The following TTC23 variants were observed in gnomAD, a reference collection of about 807,000 sequenced individuals.
TTC23 encodes tetratricopeptide repeat domain 23.
A neutral mutation model predicts 55.1 loss-of-function variants in TTC23; 58 were observed. The observed-to-expected ratio is 1.05, with a 90% CI of 0.85 to 1.31. TTC23 has a LOEUF of 1.31. Among genes scored for constraint, TTC23 ranks in the 50% most tolerant of loss-of-function variants. TTC23 has a pLI of 0.00. For synonymous variants in TTC23, 203 were observed against 199.9 expected (o/e 1.02, Z -0.13); for missense variants, 516 against 534.4 (o/e 0.97, Z 0.34).
In TTC23 at chr15:99,137,843, T is replaced by C; in HGVS notation, c.*167A>G. On this transcript the variant is annotated 3_prime_UTR_variant, in exon 14 of 14. Transcript: ENST00000394132. ...CTGAAGGGCATCCACTGTCAAAATG[T>C]GGCCCACGGGAGGCTTATGGTCTCA... 9.4e-7 allele frequency: 1 copy of C among 1,060,216 alleles called. No individual in the cohort carries two copies. Among genetic ancestry groups the C allele is most frequent in the Non-Finnish European group, 1.3e-6 (1 of 748,392 alleles). The allele number at this position is 1,060,216 out of a possible 1,614,324, so 65.7% of individuals were successfully genotyped here. A position where few individuals can be genotyped will look rare whatever the true frequency, so the allele number is the denominator to read the frequency against.
At chr15:99,176,830 T>C (rs530158343) in intron 9 of TTC23, among the ~76,000 whole-genome samples, 1 of 152,338 alleles carries the variant, frequency 6.6e-6, no homozygotes, top group South Asian at 2.1e-4. Context: ...GAGATAGAGA[T>C]AAGAGTCTGA....
chr15:99,208,036 TA>T (rs1055628977), intron 8 of TTC23, among the ~76,000 whole-genome samples: 1 of 152,006 alleles, frequency 6.6e-6, no homozygotes, highest in African/African-American at 2.4e-5. Flanking sequence ...TTTACAGTAG[TA>T]AAAAATTGGA....
At chr15:99,183,497 A>ATTTTTTTTT (rs56660145) in intron 9 of TTC23, among the ~76,000 whole-genome samples, 32 of 100,742 alleles carry the variant, frequency 3.2e-4, no homozygotes, top group East Asian at 6.0e-4. Context: ...GATTTTTTGT[A>ATTTTTTTTT]TTTTTTTTTT....
At chr15:99,166,574 G>A (rs2072126592) in intron 10 of TTC23, among the ~76,000 whole-genome samples, 5 of 152,190 alleles carry the variant, frequency 3.3e-5, no homozygotes, top group Admixed American at 3.3e-4. Context: ...CTTACATGAA[G>A]GCAACGCGGC....
At chr15:99,141,611 A>G (rs190051960) in intron 12 of TTC23, among the ~76,000 whole-genome samples, 236 of 152,346 alleles carry the variant, frequency 1.5e-3, no homozygotes, top group Non-Finnish European at 3.0e-3. Context: ...TTGAGTAAAA[A>G]AAAGTGTGAG....
intron 9 of TTC23, among the ~76,000 whole-genome samples, chr15:99,181,934 A>G (rs2074158254): frequency 1.3e-5 from 2 of 152,194 alleles, no homozygotes; most frequent in Admixed American, 6.5e-5. Context: ...TAGCTCCTCC[A>G]AAGAGCTGGG....
chr15:99,204,632 G>GTTTTTTTTT (rs56890685), intron 8 of TTC23, among the ~76,000 whole-genome samples: 1,864 of 60,810 alleles, frequency 0.031, 408 homozygotes, highest in African/African-American at 0.048. Flanking sequence ...TAGATTTAAG[G>GTTTTTTTTT]TTTTTTTTTT....
chr15:99,182,370 G>C (rs1397602931), intron 9 of TTC23, among the ~76,000 whole-genome samples: 2 of 151,788 alleles, frequency 1.3e-5, no homozygotes, highest in Non-Finnish European at 2.9e-5. Flanking sequence ...TGGCCAGACA[G>C]CTAAATTGCA....
chr15:99,242,853 G>A (rs2079924061), intron 2 of TTC23, among the ~76,000 whole-genome samples: 1 of 152,164 alleles, frequency 6.6e-6, no homozygotes, highest in Non-Finnish European at 1.5e-5. Flanking sequence ...ACAAATCAAA[G>A]TGGATTAAAG....
At chr15:99,221,663 T>C in intron 6 of TTC23, 78 bp downstream of exon 6, 1 of 1,572,946 alleles carries the variant, frequency 6.4e-7, no homozygotes, top group Non-Finnish European at 8.7e-7. Flanking sequence ...CTGATCCTTC[T>C]AATTAAGTGT....
intron 3 of TTC23, among the ~76,000 whole-genome samples, chr15:99,236,711 T>C (rs1197924251): frequency 2.0e-5 from 3 of 152,142 alleles, no homozygotes; most frequent in African/African-American, 7.2e-5. Context: ...TTAATTGTTT[T>C]TGTTGTTCTA....
intron 8 of TTC23, among the ~76,000 whole-genome samples, chr15:99,204,711 C>T (rs1472968795): frequency 7.9e-6 from 1 of 126,672 alleles, no homozygotes; most frequent in East Asian, 2.5e-4. Context: ...TCATAGCTCA[C>T]TGCAGCCTCA....
intron 11 of TTC23, chr15:99,160,780 T>G (rs1346458050): frequency 2.0e-5 from 3 of 152,114 alleles, no homozygotes; most frequent in African/African-American, 7.2e-5. Context: ...TTTGGGAGGC[T>G]GAGGCGGGCG....
At chr15:99,181,176 A>G (rs1256193029) in intron 9 of TTC23, among the ~76,000 whole-genome samples, 1 of 152,228 alleles carries the variant, frequency 6.6e-6, no homozygotes, top group African/African-American at 2.4e-5. Context: ...TCCAAACTGC[A>G]TACTTTTCCA....
chr15:99,199,789 T>C (rs2076051479), intron 9 of TTC23, 130 bp downstream of exon 9: 1 of 907,094 alleles, frequency 1.1e-6, no homozygotes, highest in African/African-American at 1.7e-5. Flanking sequence ...GAGCATCTAC[T>C]CTAGGCCAAC....
At chr15:99,210,228 A>T (rs1272592538) in intron 8 of TTC23, among the ~76,000 whole-genome samples, 3 of 152,172 alleles carry the variant, frequency 2.0e-5, no homozygotes, top group Non-Finnish European at 4.4e-5. Flanking sequence ...ATAATGTCAG[A>T]AAAGGAAAGA....
At chr15:99,163,112 C>A (rs908634837) in intron 10 of TTC23, among the ~76,000 whole-genome samples, 26 of 126,826 alleles carry the variant, frequency 2.1e-4, no homozygotes, top group Admixed American at 3.1e-4. Flanking sequence ...CAAACAAAAA[C>A]AACAACAACA....
intron 3 of TTC23, among the ~76,000 whole-genome samples, chr15:99,235,959 C>T (rs1055992174): frequency 1.3e-5 from 2 of 152,126 alleles, no homozygotes; most frequent in Non-Finnish European, 2.9e-5. Context: ...CAAAGTTCAT[C>T]CATATTGTAG....
intron 8 of TTC23, among the ~76,000 whole-genome samples, 153 bp downstream of exon 8, chr15:99,218,435 G>A (rs771757030): frequency 4.3e-4 from 65 of 152,184 alleles, no homozygotes; most frequent in Non-Finnish European, 7.5e-4. Context: ...GGGCTGCTCT[G>A]ACATGACTGT....
Sources: allele counts gnomAD v4.1 joint callset (sites outside exome capture counted in the v4.1 genomes callset), GRCh38; gene constraint gnomAD v4.1.1; transcripts MANE v1.5; gene names NCBI Gene and HGNC (gene_info 2026-07-23, HGNC 2026-07-21).